The following NF1 variants were observed in gnomAD, a reference collection of about 807,000 sequenced individuals.
The protein encoded by NF1 is neurofibromin 1.
NF1 carries 122 observed loss-of-function variants against 325.7 expected under a neutral mutation model. The ratio of observed to expected loss-of-function variants is 0.37; its 90% CI spans 0.32 to 0.44. NF1 has a LOEUF of 0.44. NF1 is among the 20% of genes least tolerant of loss of function. The pLI, the probability that NF1 is intolerant of heterozygous loss-of-function variation, is 1.00. For synonymous variants in NF1, 1,091 were observed against 1,186.0 expected (o/e 0.92, Z 1.65); for missense variants, 2,140 against 3,415.4 (o/e 0.63, Z 9.31).
chr17:31,362,885 A>G (rs529810326), intron 57 of NF1, among the ~76,000 whole-genome samples: 3 of 152,234 alleles, frequency 2.0e-5, no homozygotes, highest in Non-Finnish European at 2.9e-5. Context: ...GATTAGTTGC[A>G]TATGTCCAGT....
At chr17:31,109,352 C>CT (rs1171437182) in intron 1 of NF1, among the ~76,000 whole-genome samples, 2 of 151,690 alleles carry the variant, frequency 1.3e-5, no homozygotes, top group East Asian at 1.9e-4. Context: ...CTCAGCAATG[C>CT]TTTTTTTCAG....
intron 1 of NF1, among the ~76,000 whole-genome samples, chr17:31,098,579 G>A (rs191237983): frequency 6.6e-6 from 1 of 152,146 alleles, no homozygotes; most frequent in Admixed American, 6.6e-5. Context: ...GTGAGCCATC[G>A]CTTACATTTT....
rs2070728377 is a variant in NF1, at chr17:31,376,182, G to C, written c.*2027G>C. 1 of 232,910 alleles carries C rather than the reference G, an allele frequency of 4.3e-6. No individual in the cohort carries two copies. The allele number at this position is 232,910 out of a possible 1,614,324, so 14.4% of individuals were successfully genotyped here. A position where few individuals can be genotyped will look rare whatever the true frequency, so the allele number is the denominator to read the frequency against. On this transcript the variant is annotated 3_prime_UTR_variant, in exon 58 of 58. Coordinates refer to ENST00000358273, the MANE Select transcript of NF1 (RefSeq NM_001042492.3). ...CTGGGGTAAGTTTCACAGTTTCTAG[G>C]CCCTGGAATAGCAGGCAGTGTAAGC...
Position 31,201,121 on chromosome 17 carries a change from T to TG in NF1, c.1148dup (p.Cys383TrpfsTer13). On this transcript the variant is annotated frameshift_variant, in exon 10 of 58. Coordinates refer to ENST00000358273, the MANE Select transcript of NF1 (RefSeq NM_001042492.3). LOFTEE classifies it high-confidence loss of function. ...TCTAATGATTGACTGCCTTGTTTCT[T>TG]GCTTTCGTATAAGCCCTCACAACAA... is the stretch of plus-strand genomic sequence containing the variant. The TG allele has an allele frequency of 6.2e-7, 1 of 1,614,144 alleles. No homozygotes were observed. Among genetic ancestry groups the TG allele is most frequent in the Non-Finnish European group, 8.5e-7 (1 of 1,180,004 alleles).
intron 29 of NF1, among the ~76,000 whole-genome samples, chr17:31,247,840 T>C (rs1302591393): frequency 6.6e-6 from 1 of 152,180 alleles, no homozygotes; most frequent in African/African-American, 2.4e-5. Flanking sequence ...CATGGATAAA[T>C]CTCAGAAACA....
At chr17:31,141,205 A>AT (rs562263877) in intron 1 of NF1, among the ~76,000 whole-genome samples, 2,002 of 148,376 alleles carry the variant, frequency 0.013, 25 homozygotes, top group African/African-American at 0.035. Context: ...ATATACACAG[A>AT]TTTTTTTTTT....
At chr17:31,227,470 G>C (rs2151427300) in intron 19 of NF1, 53 bp from the exon 20 acceptor site, 1 of 1,576,566 alleles carries the variant, frequency 6.3e-7, no homozygotes, top group Non-Finnish European at 8.7e-7. Context: ...GTAGCTGATT[G>C]ATGTTTAGCT....
chr17:31,155,626 A>T (rs1354841348), intron 1 of NF1, among the ~76,000 whole-genome samples: 1 of 152,260 alleles, frequency 6.6e-6, no homozygotes, highest in African/African-American at 2.4e-5. Context: ...GCCACAAGCA[A>T]ATAGCTCTGT....
intron 35 of NF1, among the ~76,000 whole-genome samples, chr17:31,263,106 G>GATA (rs2067719378): frequency 4.9e-5 from 4 of 82,380 alleles, no homozygotes; most frequent in Non-Finnish European, 8.8e-5. Flanking sequence ...TAGGTAGGTA[G>GATA]GTAGATAGAT....
rs1176325695 is a variant in NF1 at position 31,296,572 on chromosome 17, C to G, written c.4836-29248C>G. 5 of 511,324 alleles carry G rather than the reference C, an allele frequency of 9.8e-6. No individual in the cohort carries two copies. In the East Asian group the frequency reaches 1.7e-4, roughly 17 times the overall value. The allele number at this position is 511,324 out of a possible 1,614,324, so 31.7% of individuals were successfully genotyped here. A position where few individuals can be genotyped will look rare whatever the true frequency, so the allele number is the denominator to read the frequency against. On this transcript the variant is annotated intron_variant, in intron 36 of 57. Coordinates refer to ENST00000358273, the MANE Select transcript of NF1 (RefSeq NM_001042492.3). The stretch of plus-strand genomic sequence containing the variant: ...CTCTCCCTACTCTCTCCTGCATTTT[C>G]TCCTTTATTTTCTCTCTCCCTCCCC...
chr17:31,208,660 G>A lies in NF1; in HGVS notation c.1392+2289G>A, dbSNP rs57973641. ...AATCCCAGCACTTTGGGAGGCCAAG[G>A]TGTGCGGATCACCTGAGGTCAGGAG... is the stretch of plus-strand genomic sequence containing the variant. On this transcript the variant is annotated intron_variant, in intron 12 of 57. Coordinates refer to ENST00000358273, the MANE Select transcript of NF1 (RefSeq NM_001042492.3). 7.8e-3 allele frequency among the ~76,000 whole-genome samples: 1,194 copies of A among 152,310 alleles called. 21 individuals carry two copies. The highest frequency in any genetic ancestry group is 0.028 in the African/African-American group (1,144 of 41,556).
At chr17:31,166,026 T>C (rs764058062) in intron 4 of NF1, among the ~76,000 whole-genome samples, 1 of 152,200 alleles carries the variant, frequency 6.6e-6, no homozygotes, top group Non-Finnish European at 1.5e-5. Context: ...TATTTTTCTC[T>C]GGGAGTATAC....
At chr17:31,097,109 C>G (rs1372417076) in intron 1 of NF1, among the ~76,000 whole-genome samples, 5 of 151,934 alleles carry the variant, frequency 3.3e-5, no homozygotes, top group African/African-American at 1.2e-4. Flanking sequence ...TTTTTTACTT[C>G]TTACCTGTTC....
At chr17:31,284,516 C>T (rs1185204750) in intron 36 of NF1, among the ~76,000 whole-genome samples, 1 of 151,710 alleles carries the variant, frequency 6.6e-6, no homozygotes, top group Non-Finnish European at 1.5e-5. Flanking sequence ...AGCTCCTGAC[C>T]TGAAGTGATC....
At chr17:31,170,018 T>C in intron 5 of NF1, 21 bp downstream of exon 5, 1 of 1,515,206 alleles carries the variant, frequency 6.6e-7, no homozygotes, top group Non-Finnish European at 9.2e-7. Flanking sequence ...ATGTATAATA[T>C]ATCTGAAAAA....
intron 1 of NF1, among the ~76,000 whole-genome samples, chr17:31,097,983 A>G (rs920106203): frequency 1.3e-5 from 2 of 152,078 alleles, no homozygotes; most frequent in Non-Finnish European, 2.9e-5. Context: ...CTGGGATTAC[A>G]GGCATGAGCC....
chr17:31,361,633 G>A (rs1306938327), intron 57 of NF1: 1 of 151,974 alleles, frequency 6.6e-6, no homozygotes, highest in Non-Finnish European at 1.5e-5. Flanking sequence ...ATTGTATAAG[G>A]AAAAGTTACT....
rs1060500381 is a variant in NF1 at position 31,325,911 on chromosome 17, G to A, written c.4927G>A (p.Val1643Met). The change falls in exon 37 of 58, where the codon GTG becomes ATG. Residue 1643 changes from valine to methionine, a missense_variant. By Grantham distance (21) the Val-to-Met change is conservative. Around this residue, in one of 10 missense-constraint regions of NF1, gnomAD observed 103 missense variants for 214.6 expected, o/e 0.48. Coordinates refer to ENST00000358273, the MANE Select transcript of NF1 (RefSeq NM_001042492.3). ...PYYAKPYEIV[V>M]DLTHTGPSNR... is the part of the protein sequence containing the mutation. Reference sequence around the variant, plus strand: ...TTATGCAAAGCCATATGAAATTGTAGTGGACCTTACCCATACCGGGCCTAG... The same window carrying A: ...TTATGCAAAGCCATATGAAATTGTAATGGACCTTACCCATACCGGGCCTAG... 1.2e-6 allele frequency: 2 copies of A among 1,614,142 alleles called. No individual in the cohort carries two copies. Among genetic ancestry groups the A allele is most frequent in the Non-Finnish European group, 1.7e-6 (2 of 1,180,010 alleles).
At chr17:31,211,986 T>G (rs867102075) in intron 12 of NF1, among the ~76,000 whole-genome samples, 4 of 152,282 alleles carry the variant, frequency 2.6e-5, no homozygotes, top group African/African-American at 9.6e-5. Flanking sequence ...AAAAATATTT[T>G]TATATGATAA....
Sources: gnomAD v4.1 joint callset for allele counts (sites outside exome capture counted in the v4.1 genomes callset) on GRCh38, gnomAD v4.1.1 for gene constraint, gnomAD v4.1.1 regional missense constraint, MANE v1.5 for transcripts, NCBI Gene and HGNC (gene_info 2026-07-23, HGNC 2026-07-21) for gene names.